SLC7A2: variants seen among roughly 807,000 people sequenced by gnomAD.
SLC7A2 encodes solute carrier family 7 member 2, also known as cationic amino acid transporter 2.
Under a neutral mutation model 58.9 loss-of-function variants are expected in SLC7A2, and 48 were observed. That is an observed-to-expected ratio of 0.82 (90% CI 0.65 to 1.04). The LOEUF (loss-of-function observed/expected upper bound fraction) is 1.04. Among genes scored for constraint, SLC7A2 ranks in the 50% least tolerant of loss-of-function variants. The probability of loss-of-function intolerance (pLI) is 0.00; values close to 1 mark genes in which losing one functional copy is unlikely to be tolerated. For synonymous variants in SLC7A2, 363 were observed against 314.5 expected (o/e 1.15, Z -1.63); for missense variants, 1,029 against 818.8 (o/e 1.26, Z -3.13).
chr8:17,556,914 T>G (rs1166498123), intron 8 of SLC7A2, among the ~76,000 whole-genome samples: 2 of 152,046 alleles, frequency 1.3e-5, no homozygotes, highest in Admixed American at 6.6e-5. Flanking sequence ...CAGCAAAGAA[T>G]TTTCAAAGTG....
rs1803349762 is a variant in SLC7A2 at position 17,568,116 on chromosome 8, A to G, written c.*2970A>G. Reference sequence around the variant, plus strand: ...TAAAGTCTTCTCCAGTAATTAAGAAATACATATGCAAATTCTTTTGTGATT... The same window carrying G: ...TAAAGTCTTCTCCAGTAATTAAGAAGTACATATGCAAATTCTTTTGTGATT... On this transcript the variant is annotated 3_prime_UTR_variant, in exon 13 of 13. Coordinates refer to ENST00000494857, the MANE Select transcript of SLC7A2 (RefSeq NM_001370338.1). 6.6e-6 allele frequency: 1 copy of G among 152,202 alleles called. No homozygotes were observed. The highest frequency in any genetic ancestry group is 2.1e-4 in the South Asian group (1 of 4,836). 9.4% of individuals were successfully genotyped at this position (152,202 alleles called of 1,614,324 possible).
intron 2 of SLC7A2, among the ~76,000 whole-genome samples, chr8:17,502,980 G>A (rs969892396): frequency 7.9e-5 from 12 of 151,870 alleles, no homozygotes; most frequent in East Asian, 1.9e-4. Context: ...AAGTCAATTC[G>A]TAAATAAAAT....
Position 17,550,360 on chromosome 8 carries a change from G to A in SLC7A2, c.758G>A (p.Gly253Asp). 6.2e-7 allele frequency: 1 copy of A among 1,614,108 alleles called. No individual in the cohort carries two copies. Among genetic ancestry groups the A allele is most frequent in the Non-Finnish European group, 8.5e-7 (1 of 1,179,974 alleles). ...IYGAGGFMPY[G>D]FTGTLAGAAT... is the part of the protein sequence containing the mutation. The stretch of plus-strand genomic sequence containing the variant: ...GGGGCTGGTGGCTTTATGCCTTATG[G>A]CTTTACGGGAACGTTGGCTGGTGCT... The change falls in exon 6 of 13, where the codon GGC becomes GAC. Residue 253 changes from glycine (G) to aspartate (D), a missense_variant. Physicochemically the swap from Gly to Asp is moderately conservative, Grantham distance 94. Coordinates refer to ENST00000494857, the MANE Select transcript of SLC7A2 (RefSeq NM_001370338.1).
chr8:17,522,719 G>A (rs1338329049), intron 2 of SLC7A2, among the ~76,000 whole-genome samples: 1 of 135,882 alleles, frequency 7.4e-6, no homozygotes, highest in Admixed American at 7.5e-5. Flanking sequence ...CTTCCTTTGT[G>A]ACTTCTAGGA....
intron 4 of SLC7A2, among the ~76,000 whole-genome samples, chr8:17,545,514 C>T (rs2150743532): frequency 6.8e-6 from 1 of 147,590 alleles, no homozygotes; most frequent in East Asian, 2.0e-4. Flanking sequence ...TCTTCTGCCT[C>T]AGCCTCCTGA....
intron 2 of SLC7A2, among the ~76,000 whole-genome samples, chr8:17,528,032 G>T (rs189871177): frequency 3.9e-5 from 6 of 152,216 alleles, no homozygotes; most frequent in African/African-American, 1.4e-4. Flanking sequence ...AGGCGAAGAG[G>T]GGAAGGAGTA....
chr8:17,547,245 G>A (rs918031695), intron 4 of SLC7A2, among the ~76,000 whole-genome samples: 5 of 152,086 alleles, frequency 3.3e-5, no homozygotes, highest in South Asian at 4.1e-4. Flanking sequence ...GGGAAAGAAC[G>A]TCTCACGGGG....
At chr8:17,504,824 G>A (rs1372855928) in intron 2 of SLC7A2, among the ~76,000 whole-genome samples, 1 of 152,190 alleles carries the variant, frequency 6.6e-6, no homozygotes, top group African/African-American at 2.4e-5. Flanking sequence ...TTCAGGTCCA[G>A]AAAAAGAAAA....
intron 2 of SLC7A2, among the ~76,000 whole-genome samples, chr8:17,502,616 C>G (rs1319395591): frequency 6.6e-6 from 1 of 152,038 alleles, no homozygotes; most frequent in African/African-American, 2.4e-5. Flanking sequence ...GTGAATGTAC[C>G]TTTTAGAAAA....
intron 11 of SLC7A2, 26 bp from the exon 12 acceptor site, chr8:17,563,577 T>G: frequency 7.1e-7 from 1 of 1,399,404 alleles, no homozygotes; most frequent in South Asian, 1.2e-5. Context: ...TATGAGTATG[T>G]TCAAAAGGAT....
chr8:17,538,628 C>A, intron 2 of SLC7A2: 1 of 540,694 alleles, frequency 1.8e-6, no homozygotes, highest in Non-Finnish European at 3.2e-6. Context: ...TTATTTAACC[C>A]ACGTTATAAT....
intron 10 of SLC7A2, 98 bp from the exon 11 acceptor site, chr8:17,561,846 T>C (rs1305658709): frequency 3.5e-6 from 4 of 1,149,900 alleles, no homozygotes. Context: ...AGTAGATGTG[T>C]ACAGAAGTCA....
intron 2 of SLC7A2, among the ~76,000 whole-genome samples, chr8:17,505,288 G>A (rs1251228649): frequency 3.3e-5 from 5 of 152,140 alleles, no homozygotes; most frequent in African/African-American, 9.7e-5. Context: ...TCAACTTCTC[G>A]AAGAAATATC....
Position 17,550,336 on chromosome 8 carries a change from G to C in SLC7A2, c.734G>C (p.Gly245Ala), listed in dbSNP as rs1414498884. Reference protein sequence around the residue: ...PPSENGTSIYGAGGFMPYGFT... With the variant: ...PPSENGTSIYAAGGFMPYGFT... ...TCTGAAAACGGAACAAGTATCTATG[G>C]GGCTGGTGGCTTTATGCCTTATGGC... is the stretch of plus-strand genomic sequence containing the variant. Residue 245 changes from glycine (G) to alanine (A), a missense_variant, in exon 6 of 13, where the codon GGG becomes GCG. Transcript: ENST00000494857. 1 of 1,614,054 alleles carries C rather than the reference G, an allele frequency of 6.2e-7. No homozygotes were observed.
At chr8:17,534,643 C>A (rs1247376872) in intron 2 of SLC7A2, among the ~76,000 whole-genome samples, 6 of 147,560 alleles carry the variant, frequency 4.1e-5, no homozygotes, top group Non-Finnish European at 7.4e-5. Flanking sequence ...TATTTAACAT[C>A]TCTATGTGTT....
chr8:17,496,697 T>C (rs1021214074), upstream of SLC7A2, among the ~76,000 whole-genome samples: 1 of 152,224 alleles, frequency 6.6e-6, no homozygotes, highest in Non-Finnish European at 1.5e-5. Flanking sequence ...ATTATTATTT[T>C]CTTATTTCCA....
intron 2 of SLC7A2, among the ~76,000 whole-genome samples, chr8:17,533,754 G>C (rs1366206587): frequency 1.3e-5 from 2 of 152,224 alleles, no homozygotes; most frequent in Non-Finnish European, 2.9e-5. Context: ...CACTTCCCAA[G>C]CACAGGCTAT....
At chr8:17,521,223 G>A (rs1044867133) in intron 2 of SLC7A2, among the ~76,000 whole-genome samples, 1 of 152,092 alleles carries the variant, frequency 6.6e-6, no homozygotes, top group Non-Finnish European at 1.5e-5. Context: ...TCAAATAAAT[G>A]TTTATATTTC....
In SLC7A2 at chr8:17,564,250, G is replaced by T. The variant is rs536284598; in HGVS notation, c.1780+539G>T. On this transcript the variant is annotated intron_variant, in intron 12 of 12. Transcript: ENST00000494857. ...TGATAACTCACCACTTGTATTTAGG[G>T]TATAATTTGAGACTTTATTCCACAT... Among the ~76,000 whole-genome samples the T allele has an allele frequency of 4.6e-5, 7 of 152,274 alleles. No homozygotes were observed. In the South Asian group the frequency reaches 1.5e-3, roughly 32 times the overall value.
Sources: allele counts gnomAD v4.1 joint callset (sites outside exome capture counted in the v4.1 genomes callset), GRCh38; gene constraint gnomAD v4.1.1; transcripts MANE v1.5; gene names NCBI Gene and HGNC (gene_info 2026-07-23, HGNC 2026-07-21).